Variants in ACTR3C observed in about 807,000 individuals in gnomAD.
The protein encoded by ACTR3C is actin related protein 3C.
A neutral mutation model predicts 26.3 loss-of-function variants in ACTR3C; 18 were observed. The ratio of observed to expected loss-of-function variants is 0.68; its 90% CI spans 0.47 to 1.01. ACTR3C has a LOEUF of 1.01. Among genes scored for constraint, ACTR3C ranks in the 50% least tolerant of loss-of-function variants. The probability of loss-of-function intolerance (pLI) is 0.00; values close to 1 mark genes in which losing one functional copy is unlikely to be tolerated. For missense variants in ACTR3C, 184 were observed against 250.7 expected (o/e 0.73, Z 1.80); for synonymous variants, 55 against 94.5 (o/e 0.58, Z 2.42).
the ACTR3C span, among the ~76,000 whole-genome samples, chr7:150,047,092 T>A: frequency 6.6e-4 from 99 of 150,124 alleles, 1 homozygote; most frequent in African/African-American, 2.4e-3. Flanking sequence ...CTAGGAGAAG[T>A]AAGAAGAGGA....
chr7:150,035,241 C>T, the ACTR3C span, among the ~76,000 whole-genome samples: 1 of 100,412 alleles, frequency 1.0e-5, no homozygotes, highest in African/African-American at 3.9e-5. Context: ...GTCCTAAGAG[C>T]CAGTGGGGGA....
In ACTR3C at chr7:150,277,627, G is replaced by A. The variant is rs144621151; in HGVS notation, c.564+7126C>T. 8.8e-3 allele frequency among the ~76,000 whole-genome samples: 1,330 copies of A among 151,832 alleles called. 18 individuals carry two copies. Among genetic ancestry groups the A allele is most frequent in the African/African-American group, 0.031 (1,264 of 41,376 alleles). On this transcript the variant is annotated intron_variant, in intron 6 of 7. Transcript: ENST00000683684. Reference sequence around the variant, plus strand: ...TTCCGCTGCCTCAGAAGGGTGCCCCGCTCCTGTATCTCCTGTCAGTAAATG... The same window carrying A: ...TTCCGCTGCCTCAGAAGGGTGCCCCACTCCTGTATCTCCTGTCAGTAAATG...
At chr7:149,904,354 A>C in the ACTR3C span, among the ~76,000 whole-genome samples, 1 of 151,414 alleles carries the variant, frequency 6.6e-6, no homozygotes, top group Non-Finnish European at 1.5e-5. Context: ...ACATAGTGAA[A>C]TCCCGTCTCT....
chr7:150,180,230 G>A, the ACTR3C span, among the ~76,000 whole-genome samples: 3 of 149,790 alleles, frequency 2.0e-5, no homozygotes, highest in South Asian at 2.1e-4. Flanking sequence ...GCGTGAACCC[G>A]GGAGGCGGAG....
At chr7:150,310,966 G>A (rs1389626774) in intron 1 of ACTR3C, among the ~76,000 whole-genome samples, 1 of 151,954 alleles carries the variant, frequency 6.6e-6, no homozygotes, top group Non-Finnish European at 1.5e-5. Context: ...CAACATACAT[G>A]CGCTCTTCCT....
At chr7:149,945,184 G>A in the ACTR3C span, among the ~76,000 whole-genome samples, 1 of 152,192 alleles carries the variant, frequency 6.6e-6, no homozygotes, top group East Asian at 1.9e-4. Context: ...GAGACAGGAG[G>A]CACTGATGTG....
At chr7:149,899,347 TACTCTTG>T in the ACTR3C span, among the ~76,000 whole-genome samples, 2 of 140,194 alleles carry the variant, frequency 1.4e-5, no homozygotes, top group African/African-American at 5.3e-5. Context: ...CAATCTCAAA[TACTCTTG>T]ACTCTTGAAA....
the ACTR3C span, among the ~76,000 whole-genome samples, chr7:150,206,607 A>G: frequency 1.2e-4 from 18 of 151,632 alleles, no homozygotes; most frequent in African/African-American, 4.4e-4. Context: ...TTTTTAGTAG[A>G]GACAGGGTTT....
chr7:150,299,107 A>G (rs557534932), intron 1 of ACTR3C, among the ~76,000 whole-genome samples: 1 of 148,908 alleles, frequency 6.7e-6, no homozygotes, highest in Admixed American at 6.8e-5. Context: ...CTCTGCCTCC[A>G]GAGTAGCTGG....
At chr7:150,229,106 TAGAC>T in the ACTR3C span, among the ~76,000 whole-genome samples, 6 of 152,222 alleles carry the variant, frequency 3.9e-5, no homozygotes, top group African/African-American at 7.2e-5. Flanking sequence ...ACTTTCTTGA[TAGAC>T]AGTCGTGTTA....
intron 6 of ACTR3C, among the ~76,000 whole-genome samples, chr7:150,284,541 G>A (rs567952835): frequency 1.6e-4 from 24 of 152,188 alleles, no homozygotes; most frequent in African/African-American, 3.9e-4. Context: ...GCAAGACTCC[G>A]TCTCCAAAAT....
chr7:150,210,769 T>A, the ACTR3C span, among the ~76,000 whole-genome samples: 1 of 149,280 alleles, frequency 6.7e-6, no homozygotes, highest in African/African-American at 2.6e-5. Context: ...CAAGGGAGCA[T>A]GAGGCACCTT....
At chr7:150,292,042 C>T (rs11979328) in intron 3 of ACTR3C, among the ~76,000 whole-genome samples, 14,895 of 146,796 alleles carry the variant, frequency 0.1, 1,084 homozygotes, top group African/African-American at 0.21. Flanking sequence ...GAATTAAAGG[C>T]ATTGGTATTA....
chr7:150,226,713 C>T, the ACTR3C span, among the ~76,000 whole-genome samples: 33 of 152,238 alleles, frequency 2.2e-4, no homozygotes, highest in African/African-American at 7.0e-4. Flanking sequence ...GCTGGGATTA[C>T]AGGCGTGAAC....
At chr7:150,253,899 T>G (rs1833024386) in intron 6 of ACTR3C, among the ~76,000 whole-genome samples, 1 of 145,606 alleles carries the variant, frequency 6.9e-6, no homozygotes. Flanking sequence ...CTAAGTACAG[T>G]TTTTTTTCGT....
chr7:150,045,830 G>GA, the ACTR3C span, among the ~76,000 whole-genome samples: 5 of 152,146 alleles, frequency 3.3e-5, no homozygotes, highest in African/African-American at 7.2e-5. Flanking sequence ...AGCCTGTTGA[G>GA]AAAAAAACTG....
chr7:149,887,903 T>C, the ACTR3C span, among the ~76,000 whole-genome samples: 14 of 152,368 alleles, frequency 9.2e-5, no homozygotes, highest in African/African-American at 3.4e-4. Context: ...TTCTTCATTT[T>C]TCTCTTGCCG....
the ACTR3C span, among the ~76,000 whole-genome samples, chr7:150,041,727 C>G: frequency 0.84 from 84,768 of 101,368 alleles, 34,440 homozygotes; most frequent in East Asian, 0.9. Context: ...CCTCCCCCTC[C>G]TGCGATGGGG....
chr7:150,024,266 A>T, the ACTR3C span, among the ~76,000 whole-genome samples: 1 of 151,978 alleles, frequency 6.6e-6, no homozygotes, highest in African/African-American at 2.4e-5. Context: ...AGGGTCCCTG[A>T]ACCTGCAGAT....
Sources: allele counts gnomAD v4.1 joint callset (sites outside exome capture counted in the v4.1 genomes callset), GRCh38; gene constraint gnomAD v4.1.1; transcripts MANE v1.5; gene names NCBI Gene and HGNC (gene_info 2026-07-23, HGNC 2026-07-21).